The following STAT4 variants were observed in gnomAD, a reference collection of about 807,000 sequenced individuals.
STAT4 encodes the protein signal transducer and activator of transcription 4.
A neutral mutation model predicts 110.5 loss-of-function variants in STAT4; 42 were observed. The ratio of observed to expected loss-of-function variants is 0.38; its 90% confidence interval spans 0.30 to 0.49. STAT4 has a LOEUF of 0.49. STAT4 is among the 20% of genes least tolerant of loss of function. STAT4 has a pLI of 0.95. For synonymous variants in STAT4, 284 were observed against 302.2 expected (o/e 0.94, Z 0.63); for missense variants, 632 against 887.9 (o/e 0.71, Z 3.66).
At chr2:191,120,500 A>G (rs145719911) in intron 3 of STAT4, among the ~76,000 whole-genome samples, 1,644 of 152,280 alleles carry the variant, frequency 0.011, 30 homozygotes, top group African/African-American at 0.034. Context: ...CATGGGTGAC[A>G]GAGCAAAACC....
At chr2:191,098,478 C>G (rs1485798298) in intron 3 of STAT4, among the ~76,000 whole-genome samples, 1 of 152,134 alleles carries the variant, frequency 6.6e-6, no homozygotes, top group African/African-American at 2.4e-5. Context: ...ATGGATGAAG[C>G]TGGAAACCCT....
intron 14 of STAT4, among the ~76,000 whole-genome samples, chr2:191,045,263 A>T (rs1696317195): frequency 6.6e-6 from 1 of 152,234 alleles, no homozygotes; most frequent in East Asian, 1.9e-4. Context: ...ATTTTATAGT[A>T]GGTAAAAAAG....
At chr2:191,151,278 A>G, upstream of STAT4, 1 of 985,650 alleles carries the variant, frequency 1.0e-6, no homozygotes. This position sits in a 1 kb window ranked among gnomAD's most constrained non-coding sequence, Gnocchi z 4.7. Context: ...GGCGGGGCAT[A>G]CATTTTCTTC....
chr2:191,108,470 A>C (rs915990536), intron 3 of STAT4, among the ~76,000 whole-genome samples: 1 of 152,194 alleles, frequency 6.6e-6, no homozygotes, highest in African/African-American at 2.4e-5. Context: ...ATGCGTTGAG[A>C]AACAGATTCA....
chr2:191,133,481 G>A (rs995493608), intron 3 of STAT4, among the ~76,000 whole-genome samples: 7 of 151,292 alleles, frequency 4.6e-5, no homozygotes, highest in African/African-American at 1.7e-4. Context: ...TGGGGGCAGG[G>A]GATGGGAGCA....
At chr2:191,036,493 C>T (rs757689787) in intron 16 of STAT4, among the ~76,000 whole-genome samples, 194 bp from the exon 17 acceptor site, 6 of 152,100 alleles carry the variant, frequency 3.9e-5, no homozygotes, top group African/African-American at 9.7e-5. Context: ...AGGGAACAAG[C>T]GTGTCCTAAT....
rs1699489283 is a variant in STAT4, at chr2:191,147,482, A to G, written c.128+594T>C. Among the ~76,000 whole-genome samples the G allele has an allele frequency of 1.3e-5, 2 of 152,166 alleles. No individual in the cohort carries two copies. The highest frequency in any genetic ancestry group is 1.3e-4 in the Admixed American group (2 of 15,278). ...TCAAATTCACAGAGACAGAAAATAG[A>G]ATGGTGATTGCCAGGGGTTGGGGGT... On this transcript the variant is annotated intron_variant, in intron 2 of 23. Transcript: ENST00000392320. This position sits in a 1 kb window ranked among gnomAD's most constrained non-coding sequence, Gnocchi z 4.1.
chr2:191,043,012 C>T lies in STAT4; in HGVS notation c.1252-1864G>A, dbSNP rs1347597708. On this transcript the variant is annotated intron_variant, in intron 14 of 23. Transcript: ENST00000392320. This position sits in a 1 kb window ranked among gnomAD's most constrained non-coding sequence, Gnocchi z 4.8. ...CAAGCTGGGCTCGAACTCCCGACCTCAGGTGATCCACCCGCCTTGGCCTCC... is the reference window on the plus strand; with the variant it reads ...CAAGCTGGGCTCGAACTCCCGACCTTAGGTGATCCACCCGCCTTGGCCTCC... Among the ~76,000 whole-genome samples, 1 of 152,238 alleles carries T rather than the reference C, an allele frequency of 6.6e-6. No individual in the cohort carries two copies. The highest frequency in any genetic ancestry group is 1.5e-5 in the Non-Finnish European group (1 of 68,042).
At chr2:191,038,996 C>T (rs932455740) in intron 16 of STAT4, among the ~76,000 whole-genome samples, 58 of 152,122 alleles carry the variant, frequency 3.8e-4, no homozygotes, top group Non-Finnish European at 4.4e-4. Context: ...CTTTTGCTAG[C>T]AGAATTCTCT....
At chr2:191,149,696 A>G (rs1330775792) in intron 1 of STAT4, among the ~76,000 whole-genome samples, 2 of 152,214 alleles carry the variant, frequency 1.3e-5, no homozygotes, top group Admixed American at 6.5e-5. Flanking sequence ...ATGTATATAT[A>G]TTCCATCGGA....
intron 3 of STAT4, among the ~76,000 whole-genome samples, chr2:191,095,974 G>A (rs984069760): frequency 2.0e-5 from 3 of 152,140 alleles, no homozygotes; most frequent in Non-Finnish European, 4.4e-5. Context: ...ACTACCATCA[G>A]AGAATACTAT....
At chr2:191,108,695 T>C (rs1389208008) in intron 3 of STAT4, among the ~76,000 whole-genome samples, 1 of 152,172 alleles carries the variant, frequency 6.6e-6, no homozygotes, top group Non-Finnish European at 1.5e-5. Flanking sequence ...GATGAATAGG[T>C]TAAAAGGAGA....
chr2:191,103,697 T>C (rs1698204228), intron 3 of STAT4, among the ~76,000 whole-genome samples: 1 of 152,188 alleles, frequency 6.6e-6, no homozygotes, highest in African/African-American at 2.4e-5. Flanking sequence ...GGTGTCCTCT[T>C]CATTTTTATG....
At position 191,146,513 on chromosome 2, in the gene STAT4, A is replaced by G. The variant is rs1403030373; in HGVS notation, c.273+100T>C. 6.9e-5 allele frequency: 79 copies of G among 1,143,970 alleles called. No individual in the cohort carries two copies. Among genetic ancestry groups the G allele is most frequent in the Non-Finnish European group, 8.0e-5 (71 of 890,892 alleles). 70.9% of individuals were successfully genotyped at this position (1,143,970 alleles called of 1,614,324 possible). On this transcript the variant is annotated intron_variant, in intron 3 of 23. Coordinates refer to ENST00000392320, the MANE Select transcript of STAT4 (RefSeq NM_003151.4). The surrounding 1 kb of genome is among the most constrained non-coding windows in gnomAD (Gnocchi z 4.5). ...TGGTAAGACAACTCAATTTTCCCCT[A>G]AATTTCATTTGAAAATAATATAAGG...
Position 191,042,570 on chromosome 2 carries a change from T to A in STAT4, c.1252-1422A>T, listed in dbSNP as rs1574701639. ...TTTTAAAAAAATTATTATTTTGGTT[T>A]TTGTGATAAGTGTATTGTGGTTAGG... On this transcript the variant is annotated intron_variant, in intron 14 of 23. Transcript: ENST00000392320. The surrounding 1 kb of genome is among the most constrained non-coding windows in gnomAD (Gnocchi z 4.2). 1.3e-5 allele frequency among the ~76,000 whole-genome samples: 2 copies of A among 152,264 alleles called. No individual in the cohort carries two copies. The highest frequency in any genetic ancestry group is 3.9e-4 in the East Asian group (2 of 5,188).
At chr2:191,087,418 G>A (rs1414845916) in intron 3 of STAT4, among the ~76,000 whole-genome samples, 1 of 152,152 alleles carries the variant, frequency 6.6e-6, no homozygotes, top group Non-Finnish European at 1.5e-5. Context: ...AGCTTGGCCA[G>A]CTAACAGAAG....
At chr2:191,076,500 C>T (rs187914537) in intron 3 of STAT4, among the ~76,000 whole-genome samples, 175 bp from the exon 4 acceptor site, 5 of 152,182 alleles carry the variant, frequency 3.3e-5, no homozygotes, top group Admixed American at 6.5e-5. Context: ...ATACTGTAAA[C>T]GTAGACCCCT....
intron 3 of STAT4, among the ~76,000 whole-genome samples, chr2:191,128,619 C>T (rs1698947106): frequency 6.6e-6 from 1 of 152,134 alleles, no homozygotes; most frequent in Non-Finnish European, 1.5e-5. Flanking sequence ...AACATATTTT[C>T]GTTCAGCCAT....
intron 3 of STAT4, among the ~76,000 whole-genome samples, chr2:191,079,490 T>G (rs1003414164): frequency 6.6e-6 from 1 of 152,050 alleles, no homozygotes; most frequent in African/African-American, 2.4e-5. Flanking sequence ...ATATAATTAA[T>G]TTTTGTATAT....
Sources: allele counts gnomAD v4.1 joint callset (sites outside exome capture counted in the v4.1 genomes callset), GRCh38; gene constraint gnomAD v4.1.1; non-coding constraint Gnocchi (gnomAD v3.1); transcripts MANE v1.5; gene names NCBI Gene and HGNC (gene_info 2026-07-23, HGNC 2026-07-21).